The following GABRR3 variants were observed in gnomAD, a reference collection of about 807,000 sequenced individuals.
GABRR3 encodes the protein gamma-aminobutyric acid receptor subunit rho-3.
In GABRR3, 29 loss-of-function variants were observed where a neutral mutation model predicts 43.2. The ratio of observed to expected loss-of-function variants is 0.67; its 90% confidence interval spans 0.50 to 0.92. The LOEUF is 0.92. GABRR3 is among the 40% of genes least tolerant of loss of function. The probability of loss-of-function intolerance (pLI) is 0.00; values close to 1 mark genes in which losing one functional copy is unlikely to be tolerated. For missense variants in GABRR3, 576 were observed against 572.3 expected (o/e 1.01, Z -0.07); for synonymous variants, 206 against 195.9 (o/e 1.05, Z -0.43).
chr3:98,029,023 T>A (rs1707055431), intron 2 of GABRR3, among the ~76,000 whole-genome samples: 1 of 151,776 alleles, frequency 6.6e-6, no homozygotes, highest in African/African-American at 2.4e-5. Context: ...CTCTCCCCCA[T>A]TCTAGAAAAA....
At chr3:98,030,505 A>G (rs1707074079) in intron 2 of GABRR3, among the ~76,000 whole-genome samples, 2 of 152,226 alleles carry the variant, frequency 1.3e-5, no homozygotes, top group South Asian at 4.1e-4. Flanking sequence ...AAAATCATGT[A>G]GTTTCATGAA....
intron 2 of GABRR3, among the ~76,000 whole-genome samples, chr3:98,031,889 C>G (rs1437915788): frequency 2.0e-5 from 3 of 152,108 alleles, no homozygotes; most frequent in African/African-American, 4.8e-5. Flanking sequence ...ATTGGATTTG[C>G]CATGCCTGAG....
Position 98,017,737 on chromosome 3 carries a change from A to G in GABRR3, c.239-15T>C, listed in dbSNP as rs199520403. On this transcript the variant is annotated splice_polypyrimidine_tract_variant and intron_variant, in intron 3 of 9. Coordinates refer to ENST00000621172, the Ensembl canonical transcript of GABRR3. The stretch of plus-strand genomic sequence containing the variant: ...CACTGGAGACCCTTAAGAAAGAAGA[A>G]TGGTTAATATGCTGAGGAATGCATT... 5.1e-6 allele frequency: 8 copies of G among 1,563,184 alleles called. No individual in the cohort carries two copies. Among genetic ancestry groups the G allele is most frequent in the Non-Finnish European group, 2.6e-6 (3 of 1,136,830 alleles).
chr3:97,990,225 C>G (rs1363452103), intron 9 of GABRR3, among the ~76,000 whole-genome samples: 1 of 152,166 alleles, frequency 6.6e-6, no homozygotes, highest in African/African-American at 2.4e-5. Context: ...ATCATCATAA[C>G]AGCCCTGTGA....
At chr3:98,019,159 G>T (rs1023692165) in intron 3 of GABRR3, among the ~76,000 whole-genome samples, 4 of 151,688 alleles carry the variant, frequency 2.6e-5, no homozygotes, top group African/African-American at 9.7e-5. Context: ...GAAAACAAAA[G>T]AAAAGAAGAT....
At chr3:97,987,857 G>A (rs946683847) in intron 9 of GABRR3, among the ~76,000 whole-genome samples, 1 of 152,014 alleles carries the variant, frequency 6.6e-6, no homozygotes, top group Non-Finnish European at 1.5e-5. Flanking sequence ...GCTCACTGCA[G>A]CCTTGACCTC....
chr3:98,019,984 T>A (rs980650984), intron 3 of GABRR3, among the ~76,000 whole-genome samples: 1 of 152,210 alleles, frequency 6.6e-6, no homozygotes, highest in Non-Finnish European at 1.5e-5. Context: ...TGTGTGTGCC[T>A]TTTTTCTTGG....
chr3:98,000,253 T>G (rs931860116), intron 8 of GABRR3: 5 of 152,150 alleles, frequency 3.3e-5, no homozygotes, highest in Non-Finnish European at 5.9e-5. Flanking sequence ...GTGTTCCCAA[T>G]TCACTCCACC....
exon 10 of GABRR3, chr3:97,986,893 G>A (rs763875329): frequency 1.4e-5 from 23 of 1,611,598 alleles, no homozygotes; most frequent in Non-Finnish European, 2.0e-5. Context: ...TTAGAGAGAG[G>A]GAAGTCTGGT....
rs76136579 is a variant in GABRR3 at position 98,012,542 on chromosome 3, C to G, written c.332G>C (p.Arg111Thr). 8.8e-5 allele frequency: 142 copies of G among 1,613,498 alleles called. No individual in the cohort carries two copies. Among genetic ancestry groups the G allele is most frequent in the Non-Finnish European group, 1.2e-4 (139 of 1,179,790 alleles). ...GAGCCTCTCGTCTTTCCAGTAATGC[C>G]TGAGATAAAAAGTCATTGTAAAGTC... Residue 111 changes from arginine to threonine, a missense_variant, in exon 5 of 10, where the codon AGG (arginine) becomes ACG (threonine). By Grantham distance (71) the Arg-to-Thr change is moderately conservative (BLOSUM62 -1). Coordinates refer to ENST00000621172, the Ensembl canonical transcript of GABRR3.
chr3:98,009,194 A>C (rs1706758738), intron 5 of GABRR3, 156 bp from the exon 6 acceptor site: 1 of 157,850 alleles, frequency 6.3e-6, no homozygotes, highest in South Asian at 2.0e-4. Flanking sequence ...AATGACATGC[A>C]AGGAAGCAAA....
chr3:97,990,258 C>T (rs1470325495), intron 9 of GABRR3, among the ~76,000 whole-genome samples: 1 of 152,158 alleles, frequency 6.6e-6, no homozygotes, highest in African/African-American at 2.4e-5. Context: ...AGAAATGACA[C>T]CACTGTGGAA....
At chr3:98,032,063 CATAGTATAGTATAGTATAGT>C (rs63090761) in intron 2 of GABRR3, among the ~76,000 whole-genome samples, 2,829 of 140,396 alleles carry the variant, frequency 0.02, 80 homozygotes, top group African/African-American at 0.069. Context: ...GTGTCTAGCA[CATAGTATAGTATAGTATAGT>C]ATAGTATAGT....
chr3:98,010,737 C>T (rs531608145), intron 5 of GABRR3, among the ~76,000 whole-genome samples: 11 of 152,314 alleles, frequency 7.2e-5, no homozygotes, highest in African/African-American at 2.2e-4. Context: ...CAGATAGTGT[C>T]GTTCTGCTCC....
chr3:98,020,048 T>A (rs1706920829), intron 3 of GABRR3, among the ~76,000 whole-genome samples: 1 of 152,216 alleles, frequency 6.6e-6, no homozygotes, highest in Non-Finnish European at 1.5e-5. Flanking sequence ...GCCATGGCTC[T>A]ACCTGGTATT....
intron 4 of GABRR3, among the ~76,000 whole-genome samples, chr3:98,013,904 G>A (rs993993508): frequency 2.6e-5 from 4 of 152,192 alleles, no homozygotes; most frequent in African/African-American, 4.8e-5. Context: ...AATAGCAGAC[G>A]TTGGTGCATG....
At chr3:97,986,224 C>A (rs2107221899), downstream of GABRR3, among the ~76,000 whole-genome samples, 1 of 152,280 alleles carries the variant, frequency 6.6e-6, no homozygotes, top group Non-Finnish European at 1.5e-5. Flanking sequence ...GGAGATCCTT[C>A]ATAGGATTCT....
In GABRR3 at chr3:98,019,257, T is replaced by C. The variant is rs566058626; in HGVS notation, c.239-1535A>G. 1.0e-3 allele frequency among the ~76,000 whole-genome samples: 152 copies of C among 152,340 alleles called. 2 individuals carry two copies. The highest frequency in any genetic ancestry group is 1.8e-3 in the Non-Finnish European group (120 of 68,026). On this transcript the variant is annotated intron_variant, in intron 3 of 9. Coordinates refer to ENST00000621172, the Ensembl canonical transcript of GABRR3. Reference sequence around the variant, plus strand: ...CTACGTAATGCCTGGATGTGCTACATGGGACAGGCGTGCCTATAATTCGAC... The same window carrying C: ...CTACGTAATGCCTGGATGTGCTACACGGGACAGGCGTGCCTATAATTCGAC...
intron 8 of GABRR3, chr3:97,998,659 A>T (rs984933697): frequency 1.3e-5 from 2 of 152,124 alleles, no homozygotes; most frequent in Non-Finnish European, 2.9e-5. Context: ...ATGAGGTCAG[A>T]TTTCTCCCTG....
Sources: gnomAD v4.1 joint callset for allele counts (sites outside exome capture counted in the v4.1 genomes callset) on GRCh38, gnomAD v4.1.1 for gene constraint, MANE v1.5 for transcripts, NCBI Gene and HGNC (gene_info 2026-07-23, HGNC 2026-07-21) for gene names.